The following ARHGAP10 variants were observed in gnomAD, a reference collection of about 807,000 sequenced individuals.
ARHGAP10 encodes Rho GTPase activating protein 10.
Under a neutral mutation model 108.6 loss-of-function variants are expected in ARHGAP10, and 87 were observed. The observed-to-expected ratio is 0.80, with a 90% CI of 0.67 to 0.96. The LOEUF is 0.96. Among genes scored for constraint, ARHGAP10 ranks in the 40% least tolerant of loss-of-function variants. ARHGAP10 has a pLI of 0.00. For missense variants in ARHGAP10, 939 were observed against 954.5 expected (o/e 0.98, Z 0.21); for synonymous variants, 347 against 341.1 (o/e 1.02, Z -0.19).
intron 1 of ARHGAP10, among the ~76,000 whole-genome samples, chr4:147,748,311 G>A (rs1294621003): frequency 1.3e-5 from 2 of 152,100 alleles, no homozygotes; most frequent in Admixed American, 6.6e-5. Flanking sequence ...CCTACCAGTC[G>A]GGTGAAGAAG....
chr4:147,889,536 G>A (rs893040537), intron 10 of ARHGAP10, among the ~76,000 whole-genome samples: 1 of 152,208 alleles, frequency 6.6e-6, no homozygotes, highest in African/African-American at 2.4e-5. Context: ...CTGACCTCAG[G>A]TGATCTGCCT....
rs902485831 is a variant in ARHGAP10, at chr4:147,885,644, T to G, written c.1034+3712T>G. Among the ~76,000 whole-genome samples, 68 of 152,288 alleles carry G rather than the reference T, an allele frequency of 4.5e-4. 1 individual carries two copies. The highest frequency in any genetic ancestry group is 1.5e-3 in the African/African-American group (62 of 41,550). ...CTTGGCGGCTATGGCAGCATTTGATTTGTTATTCACGTTTGACCTCCTGAA... is the reference window on the plus strand; with the variant it reads ...CTTGGCGGCTATGGCAGCATTTGATGTGTTATTCACGTTTGACCTCCTGAA... On this transcript the variant is annotated intron_variant, in intron 10 of 22. Transcript: ENST00000336498.
At chr4:147,779,664 G>A (rs1446946318) in intron 1 of ARHGAP10, among the ~76,000 whole-genome samples, 1 of 152,156 alleles carries the variant, frequency 6.6e-6, no homozygotes, top group African/African-American at 2.4e-5. Flanking sequence ...ACAGAAAGGG[G>A]AAGTCAGAGC....
At chr4:147,911,392 T>G (rs1323363853) in intron 12 of ARHGAP10, among the ~76,000 whole-genome samples, 2 of 152,190 alleles carry the variant, frequency 1.3e-5, no homozygotes, top group African/African-American at 4.8e-5. Context: ...AGACAGAGTC[T>G]TGCTCTGTCG....
intron 18 of ARHGAP10, among the ~76,000 whole-genome samples, chr4:147,968,948 A>T (rs560909850): frequency 1.9e-4 from 29 of 152,346 alleles, no homozygotes; most frequent in African/African-American, 7.0e-4. Flanking sequence ...CCAGTCTAAT[A>T]TGTTACATAA....
chr4:147,887,224 C>T (rs1204639890), intron 10 of ARHGAP10, among the ~76,000 whole-genome samples: 1 of 152,148 alleles, frequency 6.6e-6, no homozygotes, highest in Non-Finnish European at 1.5e-5. Flanking sequence ...CACCCACCTC[C>T]ACCCTCAGTG....
chr4:147,852,176 C>G (rs1447738328), intron 4 of ARHGAP10, among the ~76,000 whole-genome samples: 1 of 152,170 alleles, frequency 6.6e-6, no homozygotes, highest in African/African-American at 2.4e-5. Context: ...TGTCCATTCT[C>G]TGCATTCTGG....
rs543001601 is a variant in ARHGAP10, at chr4:147,811,599, AAAAC to A, written c.155-11124_155-11121del. 8.9e-3 allele frequency among the ~76,000 whole-genome samples: 1,352 copies of A among 152,048 alleles called. 11 individuals are homozygous for A. The highest frequency in any genetic ancestry group is 0.014 in the Non-Finnish European group (926 of 67,966). The stretch of plus-strand genomic sequence containing the variant: ...ATGCAATGGCTTTTTTTAAAAAAAA[AAAAC>A]AAAAAACAAAACACTGGTTAAGGTT... On this transcript the variant is annotated intron_variant, in intron 1 of 22. Transcript: ENST00000336498.
At chr4:148,020,694 T>C (rs993383823) in intron 18 of ARHGAP10, among the ~76,000 whole-genome samples, 1 of 152,344 alleles carries the variant, frequency 6.6e-6, no homozygotes, top group African/African-American at 2.4e-5. Flanking sequence ...CAGTCTATTA[T>C]TGGTGGGCAT....
chr4:147,966,619 T>C, intron 17 of ARHGAP10, 61 bp from the exon 18 acceptor site: 1 of 1,432,758 alleles, frequency 7.0e-7, no homozygotes, highest in Non-Finnish European at 9.4e-7. Flanking sequence ...TGCAGACTAT[T>C]TACAGTCCAC....
intron 1 of ARHGAP10, among the ~76,000 whole-genome samples, chr4:147,802,771 A>C (rs1731633441): frequency 6.6e-6 from 1 of 152,182 alleles, no homozygotes; most frequent in African/African-American, 2.4e-5. Flanking sequence ...AGATGTTGTG[A>C]CTTTACCTTC....
At chr4:148,058,831 T>C (rs1729476161) in intron 20 of ARHGAP10, among the ~76,000 whole-genome samples, 1 of 152,238 alleles carries the variant, frequency 6.6e-6, no homozygotes, top group Non-Finnish European at 1.5e-5. Flanking sequence ...TACAAGGTCT[T>C]TCCCCGAAAT....
chr4:147,814,159 C>T (rs756995514), intron 1 of ARHGAP10, among the ~76,000 whole-genome samples: 1 of 152,174 alleles, frequency 6.6e-6, no homozygotes, highest in South Asian at 2.1e-4. Context: ...CGTACAGCAC[C>T]ATGGGCTGTG....
At chr4:147,852,705 T>C (rs949212918) in intron 4 of ARHGAP10, among the ~76,000 whole-genome samples, 2 of 12,004 alleles carry the variant, frequency 1.7e-4, no homozygotes, top group Admixed American at 3.1e-3. Context: ...ATCACCAAAC[T>C]TTTTTTTTTT....
intron 19 of ARHGAP10, among the ~76,000 whole-genome samples, chr4:148,032,728 C>T (rs1728208947): frequency 6.6e-6 from 1 of 152,100 alleles, no homozygotes; most frequent in Non-Finnish European, 1.5e-5. Flanking sequence ...TAGTCCAAGT[C>T]CCAAAACCTC....
chr4:147,832,691 G>A lies in ARHGAP10; in HGVS notation c.312+9734G>A, dbSNP rs17023942. The stretch of plus-strand genomic sequence containing the variant: ...GAAATTGGAGCTCATTGAGGGTGGA[G>A]TTTCTACATCACTAAATAAGGTTGT... On this transcript the variant is annotated intron_variant, in intron 3 of 22. Transcript: ENST00000336498. Among the ~76,000 whole-genome samples the A allele has an allele frequency of 5.7e-3, 843 of 149,024 alleles. 12 individuals are homozygous for A. Among genetic ancestry groups the A allele is most frequent in the South Asian group, 0.047 (216 of 4,630 alleles).
chr4:148,060,345 G>GTTTTT (rs75224309), intron 20 of ARHGAP10, among the ~76,000 whole-genome samples: 4 of 135,068 alleles, frequency 3.0e-5, no homozygotes, highest in African/African-American at 5.7e-5. Flanking sequence ...CTCATGTTTA[G>GTTTTT]TTTTTTTTTT....
intron 19 of ARHGAP10, among the ~76,000 whole-genome samples, chr4:148,026,883 T>C (rs1727888375): frequency 6.6e-6 from 1 of 152,230 alleles, no homozygotes; most frequent in Admixed American, 6.5e-5. Flanking sequence ...CCCATGTTTT[T>C]ATTTCTTTAG....
intron 19 of ARHGAP10, among the ~76,000 whole-genome samples, chr4:148,042,546 A>G (rs1728677066): frequency 1.3e-5 from 2 of 152,146 alleles, no homozygotes; most frequent in Admixed American, 1.3e-4. Context: ...GAAACTGGCA[A>G]TAATTTCTTC....
Sources: allele counts gnomAD v4.1 joint callset (sites outside exome capture counted in the v4.1 genomes callset), GRCh38; gene constraint gnomAD v4.1.1; transcripts MANE v1.5; gene names NCBI Gene and HGNC (gene_info 2026-07-23, HGNC 2026-07-21).